SRRM1: variants seen among roughly 807,000 people sequenced by gnomAD.
SRRM1 encodes the protein serine and arginine repetitive matrix 1, also known as serine/arginine repetitive matrix protein 1.
In SRRM1, 19 loss-of-function variants were observed where a neutral mutation model predicts 110.2. The observed-to-expected ratio is 0.17, with a 90% CI of 0.12 to 0.25. The LOEUF (loss-of-function observed/expected upper bound fraction) is 0.25, where lower values mean the gene tolerates loss of function less well. Ranked by LOEUF, SRRM1 falls within the 10% of genes least tolerant of loss-of-function variation. SRRM1 has a pLI of 1.00. For missense variants in SRRM1, 918 were observed against 1,145.8 expected (o/e 0.80, Z 2.87); for synonymous variants, 443 against 414.9 (o/e 1.07, Z -0.82).
In SRRM1 at chr1:24,643,338, A is replaced by G. The variant is rs139414187; in HGVS notation, c.12A>G (p.Gly4=). The G allele has an allele frequency of 7.8e-5, 121 of 1,553,466 alleles. No individual in the cohort carries two copies. In the African/African-American group the frequency reaches 1.5e-3, roughly 19 times the overall value. MDA[G]FFRGTSAEQD... is the part of the protein sequence containing the mutation. ...AGCGAGGCGGCAAGATGGACGCGGG[A>G]TTTTTCCGCGTAAGTAGAAGCGCCG... Residue 4 remains glycine (G), a synonymous_variant, in exon 1 of 17, where the codon GGA becomes GGG. Transcript: ENST00000323848.
chr1:24,668,757 T>C (rs1282056959), intron 13 of SRRM1, among the ~76,000 whole-genome samples: 1 of 152,238 alleles, frequency 6.6e-6, no homozygotes, highest in African/African-American at 2.4e-5. Context: ...AGTTACTTGG[T>C]TATTATATAA....
In SRRM1 at chr1:24,654,190, A is replaced by G. The variant is rs1321102806; in HGVS notation, c.1041-665A>G. On this transcript the variant is annotated intron_variant, in intron 8 of 16. Coordinates refer to ENST00000323848, the MANE Select transcript of SRRM1 (RefSeq NM_005839.4). ...TTTCTTATACTGGAGTTTTGCAAAC[A>G]GCATGTTTAAATTGTGCTTACTCAG... The G allele has an allele frequency of 4.2e-6, 3 of 717,618 alleles. No individual in the cohort carries two copies. The African/African-American group carries it at 5.6e-5, about 13-fold the overall frequency. The allele number at this position is 717,618 out of a possible 1,614,324, so 44.5% of individuals were successfully genotyped here. A position where few individuals can be genotyped will look rare whatever the true frequency, so the allele number is the denominator to read the frequency against.
intron 8 of SRRM1, among the ~76,000 whole-genome samples, chr1:24,654,551 C>T (rs1456603837): frequency 6.6e-6 from 1 of 152,154 alleles, no homozygotes; most frequent in Non-Finnish European, 1.5e-5. Context: ...CAATACCATT[C>T]CTAAGGCAGA....
rs996448517 is a variant in SRRM1 at position 24,665,384 on chromosome 1, G to A, written c.1629-1431G>A. On this transcript the variant is annotated intron_variant, in intron 12 of 16. Coordinates refer to ENST00000323848, the MANE Select transcript of SRRM1 (RefSeq NM_005839.4). ...GTGGAGGTTGCAGTGAGCCGATATCGTGCCATTGCACTCCAGCCTGGGCAA... is the reference window on the plus strand; with the variant it reads ...GTGGAGGTTGCAGTGAGCCGATATCATGCCATTGCACTCCAGCCTGGGCAA... 8.6e-5 allele frequency among the ~76,000 whole-genome samples: 13 copies of A among 151,220 alleles called. No homozygotes were observed. In the East Asian group the frequency reaches 2.3e-3, roughly 27 times the overall value.
chr1:24,654,234 T>A (rs1662704874), intron 8 of SRRM1: 3 of 1,191,640 alleles, frequency 2.5e-6, no homozygotes, highest in Non-Finnish European at 3.3e-6. Flanking sequence ...CAGTCAATAT[T>A]TTACAGATTG....
chr1:24,650,013 G>A lies in SRRM1; in HGVS notation c.448G>A (p.Asp150Asn). The stretch of plus-strand genomic sequence containing the variant: ...GGCATCTATGAAAAAGCAAGATGAA[G>A]ACAAAGATAAAAGAGATAAGGAAGA... ...KLASMKKQDE[D>N]KDKRDKEEKE... Residue 150 changes from aspartate to asparagine, a missense_variant, in exon 5 of 17, where the codon GAC becomes AAC. Asp to Asn is a conservative substitution (Grantham distance 23, BLOSUM62 1). This residue lies in a region of SRRM1 where 456 missense variants were observed against 453.5 expected (regional missense o/e 1.01). Transcript: ENST00000323848. The A allele has an allele frequency of 1.3e-6, 2 of 1,597,232 alleles. No individual in the cohort carries two copies. The highest frequency in any genetic ancestry group is 1.7e-6 in the Non-Finnish European group (2 of 1,172,390).
chr1:24,649,840 G>A, intron 4 of SRRM1, 131 bp from the exon 5 acceptor site: 1 of 698,514 alleles, frequency 1.4e-6, no homozygotes, highest in Non-Finnish European at 2.2e-6. Context: ...GGTGAAGAAA[G>A]AACAGGTCTG....
intron 3 of SRRM1, 147 bp from the exon 4 acceptor site, chr1:24,648,712 T>C: frequency 1.6e-6 from 1 of 626,928 alleles, no homozygotes; most frequent in East Asian, 2.8e-5. Flanking sequence ...GGGAAGACTA[T>C]TTGTAAAATA....
At chr1:24,643,579 G>A (rs1655179801) in intron 1 of SRRM1, 3 of 413,826 alleles carry the variant, frequency 7.2e-6, no homozygotes, top group Non-Finnish European at 1.3e-5. Flanking sequence ...GACGGTGGCC[G>A]GAAAATGGCG....
rs1468189906 is a variant in SRRM1 at position 24,669,525 on chromosome 1, G to A, written c.2142G>A (p.Pro714=). ...ASSSPQRRQS[P]SPSTRPIRRV... ...CATCACCCCAAAGAAGGCAGTCCCC[G>A]TCTCCAAGTACTAGGCCCATTAGGA... is the stretch of plus-strand genomic sequence containing the variant. Residue 714 remains proline (P), a synonymous_variant, in exon 14 of 17, where the codon CCG becomes CCA. Coordinates refer to ENST00000323848, the MANE Select transcript of SRRM1 (RefSeq NM_005839.4). 1.4e-5 allele frequency: 23 copies of A among 1,608,356 alleles called. No individual in the cohort carries two copies. The highest frequency in any genetic ancestry group is 1.6e-4 in the Middle Eastern group (1 of 6,078).
chr1:24,644,811 C>A (rs138183575), intron 1 of SRRM1, among the ~76,000 whole-genome samples: 1 of 152,130 alleles, frequency 6.6e-6, no homozygotes, highest in Non-Finnish European at 1.5e-5. Flanking sequence ...CCTTTTCTGA[C>A]TTTTGTCAAA....
intron 13 of SRRM1, among the ~76,000 whole-genome samples, chr1:24,667,916 T>C (rs867154372): frequency 2.0e-5 from 3 of 151,824 alleles, no homozygotes; most frequent in Middle Eastern, 3.4e-3. Context: ...AATGTTTTAA[T>C]GTCATTGCTC....
At position 24,648,846 on chromosome 1, in the gene SRRM1, T is replaced by C. The variant is rs375528681; in HGVS notation, c.235-13T>C. On this transcript the variant is annotated splice_polypyrimidine_tract_variant and intron_variant, in intron 3 of 16. Transcript: ENST00000323848. ...AAGTAACCTGTTTTTCTTCCTGTCG[T>C]GTCTTTTTGCAGAATCCAGACTCCA... 6.8e-6 allele frequency: 11 copies of C among 1,606,874 alleles called. No individual in the cohort carries two copies. The highest frequency in any genetic ancestry group is 9.3e-6 in the Non-Finnish European group (11 of 1,177,748).
At position 24,670,290 on chromosome 1, in the gene SRRM1, C is replaced by G. The variant is rs1362453591; in HGVS notation, c.2375C>G (p.Pro792Arg). ...PAVPVKKAKS[P>R]TPSPSPPRNS... ...GTACCGGTCAAAAAGGCCAAAAGCC[C>G]AACACCGAGCCCATCACCGCCAAGA... Residue 792 changes from proline to arginine, a missense_variant, in exon 15 of 17, where the codon CCA becomes CGA. Physicochemically the swap from Pro to Arg is moderately radical, Grantham distance 103. Transcript: ENST00000323848. 6.2e-7 allele frequency: 1 copy of G among 1,612,992 alleles called. No individual in the cohort carries two copies. The highest frequency in any genetic ancestry group is 1.7e-5 in the Admixed American group (1 of 59,686).
rs1673330277 is a variant in SRRM1 at position 24,672,906 on chromosome 1, T to C, written c.*620T>C. On this transcript the variant is annotated 3_prime_UTR_variant, in exon 17 of 17. Transcript: ENST00000323848. The stretch of plus-strand genomic sequence containing the variant: ...TTTGCCAGGACACTGTGGGTTTATA[T>C]TGATGTGTAACAAGTTGATTTGGAA... The C allele has an allele frequency of 6.6e-6, 1 of 152,616 alleles. No homozygotes were observed. Among genetic ancestry groups the C allele is most frequent in the Non-Finnish European group, 1.5e-5 (1 of 68,050 alleles). 9.5% of individuals were successfully genotyped at this position (152,616 alleles called of 1,614,324 possible). A position where few individuals can be genotyped will look rare whatever the true frequency, so the allele number is the denominator to read the frequency against.
intron 12 of SRRM1, among the ~76,000 whole-genome samples, chr1:24,663,981 A>G (rs1029297390): frequency 1.4e-5 from 2 of 144,596 alleles, no homozygotes; most frequent in Non-Finnish European, 3.0e-5. Flanking sequence ...TGGGTTGCAT[A>G]GCTCTCTTTT....
intron 12 of SRRM1, among the ~76,000 whole-genome samples, chr1:24,663,914 T>C (rs1313795334): frequency 3.3e-5 from 4 of 120,088 alleles, no homozygotes; most frequent in African/African-American, 1.3e-4. Flanking sequence ...ATAATAATAA[T>C]AAATAAAAGC....
At chr1:24,653,054 A>G (rs751126049) in intron 8 of SRRM1, 22 bp downstream of exon 8, 5 of 1,605,610 alleles carry the variant, frequency 3.1e-6, no homozygotes, top group African/African-American at 2.7e-5. Flanking sequence ...TAAATTTGGA[A>G]GTGTCAAGTG....
At chr1:24,664,972 C>T (rs930574848) in intron 12 of SRRM1, among the ~76,000 whole-genome samples, 6 of 148,416 alleles carry the variant, frequency 4.0e-5, no homozygotes, top group African/African-American at 1.5e-4. Flanking sequence ...TATTGCTCTA[C>T]TCCAGGATGT....
Sources: gnomAD v4.1 joint callset for allele counts (sites outside exome capture counted in the v4.1 genomes callset) on GRCh38, gnomAD v4.1.1 for gene constraint, gnomAD v4.1.1 regional missense constraint, MANE v1.5 for transcripts, NCBI Gene and HGNC (gene_info 2026-07-23, HGNC 2026-07-21) for gene names.